GRIA1: variants seen among roughly 807,000 people sequenced by gnomAD.
GRIA1 encodes glutamate ionotropic receptor AMPA type subunit 1, also known as glutamate receptor 1.
A neutral mutation model predicts 99.2 loss-of-function variants in GRIA1; 31 were observed. The ratio of observed to expected loss-of-function variants is 0.31; its 90% CI spans 0.23 to 0.42. The LOEUF is 0.42. Ranked by LOEUF, GRIA1 falls within the 10% of genes least tolerant of loss-of-function variation. The pLI, the probability that GRIA1 is intolerant of heterozygous loss-of-function variation, is 1.00. For synonymous variants in GRIA1, 438 were observed against 432.4 expected (o/e 1.01, Z -0.16); for missense variants, 782 against 1,157.5 (o/e 0.68, Z 4.71).
chr5:153,710,025 G>C (rs1759196930), intron 11 of GRIA1, among the ~76,000 whole-genome samples: 1 of 152,114 alleles, frequency 6.6e-6, no homozygotes, highest in Admixed American at 6.6e-5. Context: ...GCCAGCGAAT[G>C]CTACTGAAAT....
chr5:153,658,527 G>C (rs768976240), intron 5 of GRIA1, among the ~76,000 whole-genome samples: 4 of 152,192 alleles, frequency 2.6e-5, no homozygotes, highest in Admixed American at 6.5e-5. Context: ...CGATAGATTA[G>C]TTGATAATTA....
At chr5:153,779,664 G>A (rs1370377167) in intron 13 of GRIA1, among the ~76,000 whole-genome samples, 2 of 152,174 alleles carry the variant, frequency 1.3e-5, no homozygotes, top group Non-Finnish European at 2.9e-5. Context: ...GGAGGTTCAC[G>A]TGATTCTCCT....
At chr5:153,555,972 C>T (rs1760602945) in intron 2 of GRIA1, among the ~76,000 whole-genome samples, 1 of 152,224 alleles carries the variant, frequency 6.6e-6, no homozygotes, top group Non-Finnish European at 1.5e-5. Flanking sequence ...GCAGCAGGCA[C>T]TGCCATTCAT....
intron 13 of GRIA1, among the ~76,000 whole-genome samples, chr5:153,778,280 T>C (rs1764403794): frequency 6.6e-6 from 1 of 151,564 alleles, no homozygotes; most frequent in African/African-American, 2.4e-5. Context: ...GGTCAAGACA[T>C]GTGGGATGCA....
intron 4 of GRIA1, among the ~76,000 whole-genome samples, chr5:153,654,908 T>A (rs1208069229): frequency 6.6e-6 from 1 of 152,202 alleles, no homozygotes; most frequent in Non-Finnish European, 1.5e-5. Flanking sequence ...CATTCATTAT[T>A]AGGTGTGTCT....
intron 2 of GRIA1, among the ~76,000 whole-genome samples, chr5:153,584,058 T>C (rs1395723228): frequency 6.6e-6 from 1 of 152,176 alleles, no homozygotes; most frequent in Non-Finnish European, 1.5e-5. Context: ...GGGGCATTAG[T>C]GGATCTTTTG....
intron 11 of GRIA1, among the ~76,000 whole-genome samples, chr5:153,741,383 C>T (rs903211986): frequency 2.6e-5 from 4 of 152,184 alleles, no homozygotes; most frequent in African/African-American, 9.7e-5. Context: ...ACCATATTAT[C>T]CAGCAATCCC....
At chr5:153,562,104 A>C (rs1349417254) in intron 2 of GRIA1, among the ~76,000 whole-genome samples, 1 of 151,876 alleles carries the variant, frequency 6.6e-6, no homozygotes, top group Non-Finnish European at 1.5e-5. Context: ...AACCAAGTTC[A>C]TTTGAGAACA....
chr5:153,705,662 ATTTTTTTTTTTTTT>A (rs70978505), intron 10 of GRIA1, 21 bp from the exon 11 acceptor site: 44 of 752,718 alleles, frequency 5.8e-5, no homozygotes, highest in Admixed American at 2.3e-4. Context: ...GCTCACCTGC[ATTTTTTTTTTTTTT>A]TTTTTTTTTT....
intron 2 of GRIA1, among the ~76,000 whole-genome samples, chr5:153,524,496 G>A (rs6881652): frequency 6.6e-6 from 1 of 152,154 alleles, no homozygotes; most frequent in African/African-American, 2.4e-5. Flanking sequence ...CATCTATAAG[G>A]ATGAATAAAC....
chr5:153,521,614 CAG>C (rs927149770), intron 2 of GRIA1, among the ~76,000 whole-genome samples: 3 of 152,164 alleles, frequency 2.0e-5, no homozygotes, highest in African/African-American at 7.2e-5. Context: ...GGGAGTGGCT[CAG>C]GGGACCAATT....
rs1761340926 is a variant in GRIA1 at position 153,563,538 on chromosome 5, T to C, written c.220+69473T>C. Among the ~76,000 whole-genome samples, 3 of 152,306 alleles carry C rather than the reference T, an allele frequency of 2.0e-5. No homozygotes were observed. In the East Asian group the frequency reaches 5.8e-4, roughly 29 times the overall value. Reference sequence around the variant, plus strand: ...TATGGCTCAGAGGCCTTGAATAGTTTGGGAAAAAAATTAAACAACATGAAA... The same window carrying C: ...TATGGCTCAGAGGCCTTGAATAGTTCGGGAAAAAAATTAAACAACATGAAA... On this transcript the variant is annotated intron_variant, in intron 2 of 15. Coordinates refer to ENST00000285900, the MANE Select transcript of GRIA1 (RefSeq NM_000827.4).
intron 2 of GRIA1, among the ~76,000 whole-genome samples, chr5:153,614,134 A>G (rs1766254754): frequency 1.3e-5 from 2 of 152,204 alleles, no homozygotes; most frequent in African/African-American, 4.8e-5. Flanking sequence ...GACACTTCTT[A>G]GATCACACAC....
intron 2 of GRIA1, among the ~76,000 whole-genome samples, chr5:153,562,773 G>A (rs575209217): frequency 9.9e-5 from 15 of 152,222 alleles, no homozygotes; most frequent in Admixed American, 3.9e-4. Flanking sequence ...AATATCTCAA[G>A]GTGTCATTAT....
chr5:153,528,033 T>G (rs372581044), intron 2 of GRIA1, among the ~76,000 whole-genome samples: 6 of 152,244 alleles, frequency 3.9e-5, no homozygotes, highest in African/African-American at 1.4e-4. Flanking sequence ...ACAGTTCATT[T>G]GCACATCTTT....
In GRIA1 at chr5:153,811,182, T is replaced by A; in HGVS notation, c.2678T>A (p.Met893Lys). ...FPKSMQSIPC[M>K]SHSSGMPLGA... The stretch of plus-strand genomic sequence containing the variant: ...AAGTCCATGCAATCGATTCCTTGCA[T>A]GAGCCACAGTTCAGGGATGCCCTTG... The change falls in exon 16 of 16, where the codon ATG becomes AAG. Residue 893 changes from methionine (M) to lysine (K), a missense_variant. Met to Lys is a moderately conservative substitution (Grantham distance 95). Coordinates refer to ENST00000285900, the MANE Select transcript of GRIA1 (RefSeq NM_000827.4). The A allele has an allele frequency of 6.2e-7, 1 of 1,614,142 alleles. No individual in the cohort carries two copies. Among genetic ancestry groups the A allele is most frequent in the Non-Finnish European group, 8.5e-7 (1 of 1,179,998 alleles).
intron 2 of GRIA1, among the ~76,000 whole-genome samples, chr5:153,497,096 T>C (rs935719411): frequency 6.6e-6 from 1 of 152,154 alleles, no homozygotes; most frequent in African/African-American, 2.4e-5. Context: ...TGGCTACTAC[T>C]ACTGGCCAAG....
At chr5:153,654,360 G>A (rs1754783400) in intron 4 of GRIA1, among the ~76,000 whole-genome samples, 1 of 152,108 alleles carries the variant, frequency 6.6e-6, no homozygotes, top group Admixed American at 6.6e-5. Context: ...CTTTCATCTT[G>A]TGGGGACAAT....
At chr5:153,629,987 G>A (rs1415095985) in intron 2 of GRIA1, among the ~76,000 whole-genome samples, 4 of 152,172 alleles carry the variant, frequency 2.6e-5, no homozygotes, top group Admixed American at 6.5e-5. Flanking sequence ...TTGCAAGGTA[G>A]TTTAGCAAAG....
Sources: allele counts gnomAD v4.1 joint callset (sites outside exome capture counted in the v4.1 genomes callset), GRCh38; gene constraint gnomAD v4.1.1; transcripts MANE v1.5; gene names NCBI Gene and HGNC (gene_info 2026-07-23, HGNC 2026-07-21).